The following SNX25 variants were observed in gnomAD, a reference collection of about 807,000 sequenced individuals.
SNX25 encodes sorting nexin 25.
In SNX25, 62 loss-of-function variants were observed where a neutral mutation model predicts 113.7. That is an observed-to-expected ratio of 0.55 (90% confidence interval 0.44 to 0.67). The LOEUF is 0.67. Among genes scored for constraint, SNX25 ranks in the 30% least tolerant of loss-of-function variants. The probability of loss-of-function intolerance (pLI) is 0.00; values close to 1 mark genes in which losing one functional copy is unlikely to be tolerated. For synonymous variants in SNX25, 421 were observed against 436.2 expected (o/e 0.97, Z 0.43); for missense variants, 1,014 against 1,161.0 (o/e 0.87, Z 1.84).
At chr4:185,322,866 T>A (rs866386277) in intron 8 of SNX25, among the ~76,000 whole-genome samples, 5 of 152,384 alleles carry the variant, frequency 3.3e-5, no homozygotes, top group Middle Eastern at 3.4e-3. Flanking sequence ...ATTAGTTATG[T>A]TCATTAAGTT....
Position 185,362,687 on chromosome 4 carries a change from A to G in SNX25, c.2910A>G (p.Thr970=). ...AAATATTCAATGCACTGCAAGAAAC[A>G]AGAGCCAACAAGCATCTGTTATATG... is the stretch of plus-strand genomic sequence containing the variant. ...IIKIFNALQE[T]RANKHLLYAL... The change falls in exon 18 of 19, where the codon ACA becomes ACG. Residue 970 remains threonine (T), a synonymous_variant. Transcript: ENST00000652585. 1 of 1,614,102 alleles carries G rather than the reference A, an allele frequency of 6.2e-7. No homozygotes were observed. Among genetic ancestry groups the G allele is most frequent in the South Asian group, 1.1e-5 (1 of 91,078 alleles).
At chr4:185,274,155 G>A (rs539106733) in intron 5 of SNX25, among the ~76,000 whole-genome samples, 2 of 151,970 alleles carry the variant, frequency 1.3e-5, no homozygotes, top group African/African-American at 4.8e-5. Context: ...CCACCTCCCG[G>A]GTTCAAACGA....
intron 16 of SNX25, among the ~76,000 whole-genome samples, chr4:185,361,432 C>G (rs2095363060): frequency 6.6e-6 from 1 of 152,098 alleles, no homozygotes; most frequent in South Asian, 2.1e-4. Context: ...ACTGCTCATG[C>G]AGTATTACCA....
At chr4:185,287,077 ACACT>A (rs1349921287) in intron 5 of SNX25, among the ~76,000 whole-genome samples, 1 of 152,222 alleles carries the variant, frequency 6.6e-6, no homozygotes, top group African/African-American at 2.4e-5. Flanking sequence ...GGGCTAAGAA[ACACT>A]CAGGATAAAC....
At chr4:185,266,036 G>T (rs1748031319) in intron 4 of SNX25, among the ~76,000 whole-genome samples, 1 of 152,192 alleles carries the variant, frequency 6.6e-6, no homozygotes, top group African/African-American at 2.4e-5. Flanking sequence ...CAGGATAAGA[G>T]AAACTTTCCC....
intron 1 of SNX25, among the ~76,000 whole-genome samples, chr4:185,224,551 A>G (rs201154394): frequency 0.15 from 13,383 of 91,324 alleles, 792 homozygotes; most frequent in Non-Finnish European, 0.19. Context: ...ATATATACAT[A>G]TATATAAATA....
Position 185,221,790 on chromosome 4 carries a change from G to T in SNX25, c.429+11535G>T, listed in dbSNP as rs1483652461. ...TCTGTCTGTAGGGACTTTATATATT[G>T]TTCTCCTGCCTTGAGCATGCTGCTG... On this transcript the variant is annotated intron_variant, in intron 1 of 18. Coordinates refer to ENST00000652585, the MANE Select transcript of SNX25 (RefSeq NM_001378034.2). 4.0e-4 allele frequency among the ~76,000 whole-genome samples: 60 copies of T among 151,768 alleles called. 1 individual carries two copies. Among genetic ancestry groups the T allele is most frequent in the Non-Finnish European group, 1.3e-4 (9 of 67,940 alleles).
chr4:185,284,749 A>G (rs1313561089), intron 5 of SNX25, among the ~76,000 whole-genome samples: 1 of 152,022 alleles, frequency 6.6e-6, no homozygotes, highest in African/African-American at 2.4e-5. Context: ...GATGGTTTGG[A>G]TGGGAGAGAG....
chr4:185,292,219 C>G (rs980644313), intron 6 of SNX25, among the ~76,000 whole-genome samples: 1 of 152,058 alleles, frequency 6.6e-6, no homozygotes, highest in African/African-American at 2.4e-5. Context: ...AGACAGGTTC[C>G]ATGGAATCAG....
chr4:185,264,924 G>A (rs1747834183), intron 4 of SNX25, among the ~76,000 whole-genome samples: 1 of 152,080 alleles, frequency 6.6e-6, no homozygotes, highest in Non-Finnish European at 1.5e-5. Flanking sequence ...GTATGTGTAT[G>A]TGTGTATAAT....
At chr4:185,283,711 T>C (rs1750964383) in intron 5 of SNX25, among the ~76,000 whole-genome samples, 1 of 152,220 alleles carries the variant, frequency 6.6e-6, no homozygotes, top group Non-Finnish European at 1.5e-5. Context: ...CAATGAGACC[T>C]TGTATAGATC....
downstream of SNX25, among the ~76,000 whole-genome samples, chr4:185,368,385 A>G (rs1013941063): frequency 6.6e-6 from 1 of 151,898 alleles, no homozygotes; most frequent in East Asian, 1.9e-4. Flanking sequence ...TTACTGCCTC[A>G]CCTTCTGCCA....
downstream of SNX25, chr4:185,366,039 G>C (rs1479445675): frequency 6.6e-6 from 1 of 152,078 alleles, no homozygotes; most frequent in Non-Finnish European, 1.5e-5. Context: ...TCCACTGTTG[G>C]GATGGTTGTG....
downstream of SNX25, chr4:185,367,328 C>T (rs116425216): frequency 2.8e-3 from 3,478 of 1,234,222 alleles, 75 homozygotes; most frequent in African/African-American, 0.05. Context: ...TTTTTTGATT[C>T]ATTTTTAAGA....
chr4:185,268,881 CAA>C lies in SNX25; in HGVS notation c.1091+1728_1091+1729del, dbSNP rs1485372658. 4.6e-5 allele frequency among the ~76,000 whole-genome samples: 7 copies of C among 152,154 alleles called. No homozygotes were observed. In the East Asian group the frequency reaches 1.2e-3, roughly 25 times the overall value. ...CGGGTTCAATTTACAAATATATACT[CAA>C]ATATATAATGATGAGTTCAATGTAA... On this transcript the variant is annotated intron_variant, in intron 5 of 18. Coordinates refer to ENST00000652585, the MANE Select transcript of SNX25 (RefSeq NM_001378034.2).
intron 6 of SNX25, among the ~76,000 whole-genome samples, chr4:185,305,414 T>C (rs961700526): frequency 2.0e-5 from 3 of 152,184 alleles, no homozygotes; most frequent in African/African-American, 7.2e-5. Context: ...GGTGTTTTTC[T>C]TTTTTTATAC....
upstream of SNX25, among the ~76,000 whole-genome samples, chr4:185,209,025 G>T (rs1425912323): frequency 6.6e-6 from 1 of 152,178 alleles, no homozygotes; most frequent in Non-Finnish European, 1.5e-5. The surrounding 1 kb of genome is among the most constrained non-coding windows in gnomAD (Gnocchi z 5.2). Context: ...ACAAAAACCA[G>T]AAGTGGAGCC....
At chr4:185,339,000 A>G (rs974839932) in intron 10 of SNX25, among the ~76,000 whole-genome samples, 2 of 151,878 alleles carry the variant, frequency 1.3e-5, no homozygotes, top group African/African-American at 2.4e-5. Flanking sequence ...TTATTTCTGC[A>G]AAAAAAAGTT....
At chr4:185,358,832 A>G (rs2095350139) in intron 16 of SNX25, among the ~76,000 whole-genome samples, 1 of 152,236 alleles carries the variant, frequency 6.6e-6, no homozygotes, top group African/African-American at 2.4e-5. Context: ...TCACTTTTTT[A>G]TATAACAAAA....
Sources: allele counts gnomAD v4.1 joint callset (sites outside exome capture counted in the v4.1 genomes callset), GRCh38; gene constraint gnomAD v4.1.1; non-coding constraint Gnocchi (gnomAD v3.1); transcripts MANE v1.5; gene names NCBI Gene and HGNC (gene_info 2026-07-23, HGNC 2026-07-21).